APBB2: variants seen among roughly 807,000 people sequenced by gnomAD.
APBB2 encodes the protein amyloid beta precursor protein binding family B member 2, also known as Fe65-like 1.
APBB2 carries 38 observed loss-of-function variants against 82.5 expected under a neutral mutation model. The ratio of observed to expected loss-of-function variants is 0.46; its 90% CI spans 0.36 to 0.60. APBB2 has a LOEUF of 0.60. APBB2 is among the 20% of genes least tolerant of loss of function. The pLI is 0.00. For missense variants in APBB2, 772 were observed against 972.3 expected (o/e 0.79, Z 2.74); for synonymous variants, 341 against 368.2 (o/e 0.93, Z 0.85).
intron 1 of APBB2, among the ~76,000 whole-genome samples, chr4:41,144,772 C>T (rs1322658394): frequency 2.6e-5 from 4 of 152,230 alleles, no homozygotes; most frequent in Non-Finnish European, 4.4e-5. Flanking sequence ...CCCTCCCTCA[C>T]CTATCGCATC....
intron 10 of APBB2, among the ~76,000 whole-genome samples, chr4:40,916,766 G>A (rs1262186510): frequency 6.6e-6 from 1 of 152,228 alleles, no homozygotes; most frequent in Non-Finnish European, 1.5e-5. Context: ...GAGGGACCCA[G>A]AGGATGTTGC....
At chr4:41,138,970 TA>T (rs1316032409) in intron 2 of APBB2, among the ~76,000 whole-genome samples, 2 of 152,178 alleles carry the variant, frequency 1.3e-5, no homozygotes, top group Non-Finnish European at 2.9e-5. Flanking sequence ...ATTACTTTCT[TA>T]ATTTATAAAG....
At chr4:41,005,551 C>T (rs79520504) in intron 6 of APBB2, among the ~76,000 whole-genome samples, 1 of 152,280 alleles carries the variant, frequency 6.6e-6, no homozygotes, top group Non-Finnish European at 1.5e-5. Flanking sequence ...ATCTTGGGGG[C>T]TGCATGCCCA....
chr4:40,823,012 G>A (rs1179506426), intron 16 of APBB2, among the ~76,000 whole-genome samples: 1 of 152,236 alleles, frequency 6.6e-6, no homozygotes. Context: ...GGTGAACCGG[G>A]CAGCTGTGGG....
intron 1 of APBB2, among the ~76,000 whole-genome samples, chr4:41,178,506 T>C (rs1279262343): frequency 3.9e-5 from 6 of 152,298 alleles, no homozygotes; most frequent in South Asian, 4.1e-4. Context: ...AGCCAGGAGA[T>C]AAGGTGTGTG....
At chr4:41,098,441 C>G (rs888325212) in intron 3 of APBB2, among the ~76,000 whole-genome samples, 11 of 152,248 alleles carry the variant, frequency 7.2e-5, no homozygotes, top group Admixed American at 2.6e-4. Flanking sequence ...CCTCTGCCCC[C>G]CAAAAGTGTT....
Position 40,897,745 on chromosome 4 carries a change from G to C in APBB2, c.1255-4334C>G, listed in dbSNP as rs576005221. 9.2e-5 allele frequency among the ~76,000 whole-genome samples: 14 copies of C among 152,264 alleles called. No individual in the cohort carries two copies. The East Asian group carries it at 2.7e-3, about 29-fold the overall frequency. Reference sequence around the variant, plus strand: ...GCCAGCTTGGCTTCTTCCCAAAGAAGGGAGCAGAAACGAGCAACCTGCAAT... The same window carrying C: ...GCCAGCTTGGCTTCTTCCCAAAGAACGGAGCAGAAACGAGCAACCTGCAAT... On this transcript the variant is annotated intron_variant, in intron 10 of 17. Coordinates refer to ENST00000508593, the MANE Select transcript of APBB2 (RefSeq NM_004307.2).
At chr4:41,168,442 G>A (rs190309235) in intron 1 of APBB2, among the ~76,000 whole-genome samples, 41 of 151,868 alleles carry the variant, frequency 2.7e-4, no homozygotes, top group African/African-American at 9.4e-4. Flanking sequence ...TGCAAGTGGC[G>A]ATTCTCCTGC....
chr4:41,195,410 G>A, intron 1 of APBB2, among the ~76,000 whole-genome samples: 4 of 152,118 alleles, frequency 2.6e-5, no homozygotes, highest in East Asian at 3.9e-4. Context: ...AACCGTGCTC[G>A]CTCCACTTTG....
chr4:41,120,796 T>C (rs1033559359), intron 2 of APBB2, among the ~76,000 whole-genome samples: 1 of 152,224 alleles, frequency 6.6e-6, no homozygotes, highest in African/African-American at 2.4e-5. Flanking sequence ...CTTTGCCAAG[T>C]TGACCATTTT....
chr4:41,135,044 T>C (rs1757172567), intron 2 of APBB2, among the ~76,000 whole-genome samples: 1 of 152,166 alleles, frequency 6.6e-6, no homozygotes, highest in Non-Finnish European at 1.5e-5. Context: ...TCCAGACTTC[T>C]TATTTCTAGG....
chr4:40,882,570 A>C (rs1578175308), intron 12 of APBB2, among the ~76,000 whole-genome samples: 1 of 152,248 alleles, frequency 6.6e-6, no homozygotes, highest in Admixed American at 6.5e-5. Flanking sequence ...TCAGAGAAAC[A>C]GGAAGCAAAG....
At chr4:40,987,603 T>C (rs1489227684) in intron 6 of APBB2, among the ~76,000 whole-genome samples, 1 of 152,238 alleles carries the variant, frequency 6.6e-6, no homozygotes, top group Non-Finnish European at 1.5e-5. Context: ...AATGAAGGAC[T>C]GCACACAGTC....
At chr4:41,136,096 CTCAAACT>C (rs1365415936) in intron 2 of APBB2, among the ~76,000 whole-genome samples, 2 of 152,222 alleles carry the variant, frequency 1.3e-5, no homozygotes, top group African/African-American at 4.8e-5. Context: ...TGTACTACAA[CTCAAACT>C]TCAGTGATTC....
chr4:41,032,801 T>C (rs11417955), intron 5 of APBB2, among the ~76,000 whole-genome samples: 1 of 122,460 alleles, frequency 8.2e-6, no homozygotes, highest in Non-Finnish European at 1.8e-5. Flanking sequence ...TTTTTTTTTT[T>C]TGAGACGGAG....
At chr4:41,200,650 T>C (rs1008851881) in intron 1 of APBB2, among the ~76,000 whole-genome samples, 1 of 152,204 alleles carries the variant, frequency 6.6e-6, no homozygotes, top group African/African-American at 2.4e-5. Context: ...AACATCGCAA[T>C]ACCAGTTACA....
rs3086182 is a variant in APBB2, at chr4:40,846,326, C to CAAA, written c.1530-15752_1530-15750dup. ...TCAAGGCCCTCGGATGAAAACACTC[C>CAAA]AAAAAAAAAAAAAAAAAAAAAAGTG... On this transcript the variant is annotated intron_variant, in intron 12 of 17. Coordinates refer to ENST00000508593, the MANE Select transcript of APBB2 (RefSeq NM_004307.2). Among the ~76,000 whole-genome samples, 207 of 62,368 alleles carry CAAA rather than the reference C, an allele frequency of 3.3e-3. 3 individuals carry two copies. The highest frequency in any genetic ancestry group is 0.011 in the African/African-American group (168 of 15,406). The allele number at this position is 62,368 out of a possible 152,430, so 40.9% of individuals were successfully genotyped here. A position where few individuals can be genotyped will look rare whatever the true frequency, so the allele number is the denominator to read the frequency against.
intron 12 of APBB2, among the ~76,000 whole-genome samples, chr4:40,868,273 G>A (rs1764542534): frequency 6.6e-6 from 1 of 152,218 alleles, no homozygotes; most frequent in African/African-American, 2.4e-5. Flanking sequence ...TGAGGCTGGG[G>A]CAAAGCCAGC....
At chr4:40,870,704 C>A (rs1261146408) in intron 12 of APBB2, among the ~76,000 whole-genome samples, 1 of 150,902 alleles carries the variant, frequency 6.6e-6, no homozygotes, top group Non-Finnish European at 1.5e-5. Flanking sequence ...GTATTATATA[C>A]ATATATGTGT....
Sources: allele counts gnomAD v4.1 joint callset (sites outside exome capture counted in the v4.1 genomes callset), GRCh38; gene constraint gnomAD v4.1.1; transcripts MANE v1.5; gene names NCBI Gene and HGNC (gene_info 2026-07-23, HGNC 2026-07-21).